STK36: variants seen among roughly 807,000 people sequenced by gnomAD.
The protein encoded by STK36 is serine/threonine-protein kinase 36.
In STK36, 116 loss-of-function variants were observed where a neutral mutation model predicts 142.2. That is an observed-to-expected ratio of 0.82 (90% CI 0.70 to 0.95). STK36 has a LOEUF of 0.95. Among genes scored for constraint, STK36 ranks in the 40% least tolerant of loss-of-function variants. The pLI is 0.00. For missense variants in STK36, 1,422 were observed against 1,617.2 expected, an observed-to-expected ratio of 0.88 and a Z score of 2.07; for synonymous variants, 619 against 641.7, an observed-to-expected ratio of 0.96 and a Z score of 0.53.
chr2:218,673,285 T>C (rs1940073408), intron 2 of STK36: 3 of 384,678 alleles, frequency 7.8e-6, no homozygotes, highest in Non-Finnish European at 9.3e-6. Context: ...TAGCACACCA[T>C]GTAATAAGAG....
In STK36 at chr2:218,699,123, A is replaced by T; in HGVS notation, c.3579A>T (p.Ala1193=). The T allele has an allele frequency of 1.2e-6, 2 of 1,614,134 alleles. No homozygotes were observed. Among genetic ancestry groups the T allele is most frequent in the Non-Finnish European group, 1.7e-6 (2 of 1,180,030 alleles). Residue 1193 remains alanine, a synonymous_variant, in exon 26 of 27, where the codon GCA becomes GCT. Coordinates refer to ENST00000295709, the MANE Select transcript of STK36 (RefSeq NM_015690.5). The part of the protein sequence containing the change: ...AGPLGPALAA[A]VPSMTQLLGD... ...CTCTGGGACCTGCCCTGGCAGCTGC[A>T]GTGCCCAGTATGACCCAGCTGCTTG...
chr2:218,691,237 TG>T (rs1940985866), intron 14 of STK36, among the ~76,000 whole-genome samples: 2 of 152,174 alleles, frequency 1.3e-5, no homozygotes, highest in Non-Finnish European at 2.9e-5. Context: ...AACATATATT[TG>T]TAAGGAAGTA....
In STK36 at chr2:218,680,621, A is replaced by T; in HGVS notation, c.1155A>T (p.Pro385=). The T allele has an allele frequency of 6.2e-7, 1 of 1,613,444 alleles. No individual in the cohort carries two copies. The highest frequency in any genetic ancestry group is 8.5e-7 in the Non-Finnish European group (1 of 1,179,816). The change falls in exon 10 of 27, where the codon CCA becomes CCT. Residue 385 remains proline (P), a synonymous_variant. Transcript: ENST00000295709. ...PSAPRENRTT[P]DCERAFPEER... is the part of the protein sequence containing the mutation. ...CCGGCAGGGAAAACCGGACCACCCC[A>T]GATTGTGAACGAGCATTCCCAGAGG... is the stretch of plus-strand genomic sequence containing the variant.
rs148619290 is a variant in STK36, at chr2:218,688,709, A to T, written c.1393A>T (p.Ile465Phe). The change falls in exon 12 of 27, where the codon ATC becomes TTC. Residue 465 changes from isoleucine (I) to phenylalanine (F), a missense_variant. Coordinates refer to ENST00000295709, the MANE Select transcript of STK36 (RefSeq NM_015690.5). ...HEAGGQILKG[I>F]LEGASHILPA... ...TCATGTCACCCAGATCCTGAAAGGC[A>T]TCTTGGAGGGTGCTTCCCACATCCT... The T allele has an allele frequency of 6.2e-7, 1 of 1,612,194 alleles. No individual in the cohort carries two copies. The highest frequency in any genetic ancestry group is 2.2e-5 in the East Asian group (1 of 44,844).
Position 218,679,930 on chromosome 2 carries a change from A to G in STK36, c.986A>G (p.Asp329Gly). The G allele has an allele frequency of 1.2e-6, 2 of 1,614,174 alleles. No individual in the cohort carries two copies. Among genetic ancestry groups the G allele is most frequent in the Non-Finnish European group, 1.7e-6 (2 of 1,180,014 alleles). Residue 329 changes from aspartate (D) to glycine (G), a missense_variant, in exon 9 of 27, where the codon GAC becomes GGC. Physicochemically the swap from Asp to Gly is moderately conservative, Grantham distance 94. This residue lies in a region of STK36 where 460 missense variants were observed against 449.6 expected (regional missense o/e 1.02). Coordinates refer to ENST00000295709, the MANE Select transcript of STK36 (RefSeq NM_015690.5). ...QNTGPALEQE[D>G]KTSKVAPGTA... ...ACAGGACCTGCCCTTGAGCAAGAGG[A>G]CAAGACCAGCAAGGTGGCTCCTGGC...
At position 218,678,029 on chromosome 2, in the gene STK36, G is replaced by A. The variant is rs541029227; in HGVS notation, c.685-1139G>A. ...GATGGTCTCAATCTCCCAACCTCGCGATCTGCCCACCTTGGCCTCCCAAAG... is the reference window on the plus strand; with the variant it reads ...GATGGTCTCAATCTCCCAACCTCGCAATCTGCCCACCTTGGCCTCCCAAAG... On this transcript the variant is annotated intron_variant, in intron 6 of 26. Coordinates refer to ENST00000295709, the MANE Select transcript of STK36 (RefSeq NM_015690.5). Among the ~76,000 whole-genome samples the A allele has an allele frequency of 4.6e-5, 7 of 152,270 alleles. No individual in the cohort carries two copies. In the East Asian group the frequency reaches 5.8e-4, roughly 13 times the overall value.
chr2:218,696,714 A>G, intron 22 of STK36, 113 bp downstream of exon 22: 4 of 1,179,772 alleles, frequency 3.4e-6, no homozygotes, highest in Non-Finnish European at 5.1e-6. Context: ...CTCTCAAGCT[A>G]CTGTGCCTGT....
chr2:218,691,266 TG>T (rs1415889887), intron 14 of STK36, among the ~76,000 whole-genome samples: 1 of 152,198 alleles, frequency 6.6e-6, no homozygotes, highest in African/African-American at 2.4e-5. Flanking sequence ...GCCTGGTCAT[TG>T]TTAAAACTGG....
In STK36 at chr2:218,673,718, C is replaced by T. The variant is rs1940096456; in HGVS notation, c.178C>T (p.His60Tyr). Reference sequence around the variant, plus strand: ...GATTGAAATAATGCGGGGTCTGCGGCATCCCAACATTGTGCATATGCTTGA... The same window carrying T: ...GATTGAAATAATGCGGGGTCTGCGGTATCCCAACATTGTGCATATGCTTGA... ...REIEIMRGLR[H>Y]PNIVHMLDSF... is the part of the protein sequence containing the mutation. Residue 60 changes from histidine to tyrosine, a missense_variant, in exon 3 of 27, where the codon CAT becomes TAT. Physicochemically the swap from His to Tyr is moderately conservative, Grantham distance 83. Coordinates refer to ENST00000295709, the MANE Select transcript of STK36 (RefSeq NM_015690.5). The T allele has an allele frequency of 6.2e-7, 1 of 1,614,106 alleles. No homozygotes were observed. The highest frequency in any genetic ancestry group is 8.5e-7 in the Non-Finnish European group (1 of 1,180,052).
chr2:218,698,682 C>T lies in STK36; in HGVS notation c.3138C>T (p.Thr1046=). 6.2e-7 allele frequency: 1 copy of T among 1,614,216 alleles called. No individual in the cohort carries two copies. Among genetic ancestry groups the T allele is most frequent in the East Asian group, 2.2e-5 (1 of 44,882 alleles). The part of the protein sequence containing the change: ...LLTRLALMDP[T]SLNQFVNTVS... ...CACGCCTGGCCCTCATGGATCCCAC[C>T]TCTCTCAACCAGTTTGTGAACACAG... Residue 1046 remains threonine (T), a synonymous_variant, in exon 26 of 27, where the codon ACC becomes ACT. Coordinates refer to ENST00000295709, the MANE Select transcript of STK36 (RefSeq NM_015690.5).
intron 26 of STK36, 121 bp downstream of exon 26, chr2:218,699,469 C>A: frequency 1.4e-6 from 2 of 1,423,990 alleles, no homozygotes; most frequent in Non-Finnish European, 1.9e-6. Context: ...CGTGTTTCTC[C>A]CAGGGACAGT....
At chr2:218,672,330 C>T (rs1010796850) in intron 1 of STK36, 115 bp downstream of exon 1, 23 of 366,838 alleles carry the variant, frequency 6.3e-5, no homozygotes, top group African/African-American at 4.4e-4. Flanking sequence ...GGAATCCGTC[C>T]CTTGGCCTGA....
rs373885135 is a variant in STK36, at chr2:218,696,267, A to G, written c.2512-260A>G. ...TCATCTGCTTTTTCTAGACTAAGTT[A>G]GCCTTCAGAGAGGTTGTATCACTAG... On this transcript the variant is annotated intron_variant, in intron 21 of 26. Coordinates refer to ENST00000295709, the MANE Select transcript of STK36 (RefSeq NM_015690.5). 3.3e-4 allele frequency among the ~76,000 whole-genome samples: 51 copies of G among 152,338 alleles called. No homozygotes were observed. In the East Asian group the frequency reaches 7.3e-3, roughly 22 times the overall value.
In STK36 at chr2:218,675,378, G is replaced by C; in HGVS notation, c.339G>C (p.Leu113=). ...TTGCTGCCCAGTTGGTGTCAGCCCT[G>C]TACTATCTGCATTCCCACCGCATCC... ...QAIAAQLVSA[L]YYLHSHRILH... Residue 113 remains leucine, a synonymous_variant, in exon 5 of 27, where the codon CTG becomes CTC. Transcript: ENST00000295709. 1 of 1,611,272 alleles carries C rather than the reference G, an allele frequency of 6.2e-7. No individual in the cohort carries two copies. Among genetic ancestry groups the C allele is most frequent in the Non-Finnish European group, 8.5e-7 (1 of 1,179,154 alleles).
chr2:218,672,261 A>G (rs1575117231), intron 1 of STK36, 46 bp downstream of exon 1: 1 of 524,398 alleles, frequency 1.9e-6, no homozygotes, highest in South Asian at 2.3e-5. Context: ...GCGGGTGGAG[A>G]AGAATTATAA....
intron 10 of STK36, chr2:218,684,839 C>T (rs1940706365): frequency 1.0e-5 from 4 of 398,586 alleles, no homozygotes; most frequent in Non-Finnish European, 1.8e-5. Context: ...AACCATGCTG[C>T]AGCGGACGTC....
rs36099639 is a variant in STK36, at chr2:218,696,533, T to G, written c.2518T>G (p.Leu840Val). Reference protein sequence around the residue: ...HALSAPAEVRLTPPGSCGFYD... With the variant: ...HALSAPAEVRVTPPGSCGFYD... ...TCATGTTTCTCTCTGACAGGTTCGG[T>G]TGACTCCACCAGGTAGTTGTGGATT... Residue 840 changes from leucine to valine, a missense_variant, in exon 22 of 27, where the codon TTG (leucine) becomes GTG (valine). Physicochemically the swap from Leu to Val is conservative, Grantham distance 32. This residue lies in a region of STK36 where 962 missense variants were observed against 1,167.5 expected (regional missense o/e 0.82). Coordinates refer to ENST00000295709, the MANE Select transcript of STK36 (RefSeq NM_015690.5). 1,815 of 1,614,154 alleles carry G rather than the reference T, an allele frequency of 1.1e-3. 23 individuals are homozygous for G. In the African/African-American group the frequency reaches 0.02, roughly 18 times the overall value.
At chr2:218,686,018 A>G (rs904280308) in intron 11 of STK36, among the ~76,000 whole-genome samples, 2 of 149,084 alleles carry the variant, frequency 1.3e-5, no homozygotes, top group African/African-American at 2.5e-5. Context: ...GCTCACTGCA[A>G]CCTCTGCCCC....
intron 10 of STK36, among the ~76,000 whole-genome samples, chr2:218,683,267 C>T (rs1238535252): frequency 1.3e-5 from 2 of 151,132 alleles, no homozygotes; most frequent in East Asian, 3.9e-4. Context: ...TGGCACCATG[C>T]CCAGCTATTT....
Sources: allele counts gnomAD v4.1 joint callset (sites outside exome capture counted in the v4.1 genomes callset), GRCh38; gene constraint gnomAD v4.1.1; regional missense constraint gnomAD v4.1.1; transcripts MANE v1.5; gene names NCBI Gene and HGNC (gene_info 2026-07-23, HGNC 2026-07-21).